INO80: variants seen among roughly 807,000 people sequenced by gnomAD.
The protein encoded by INO80 is INO80 complex ATPase subunit.
A neutral mutation model predicts 203.4 loss-of-function variants in INO80; 20 were observed. That is an observed-to-expected ratio of 0.10 (90% confidence interval 0.07 to 0.14). INO80 has a LOEUF of 0.14. Ranked by LOEUF, INO80 falls within the 10% of genes least tolerant of loss-of-function variation. The pLI is 1.00. For synonymous variants in INO80, 726 were observed against 685.2 expected, an observed-to-expected ratio of 1.06 and a Z score of -0.93; for missense variants, 1,419 against 1,914.4, an observed-to-expected ratio of 0.74 and a Z score of 4.83.
intron 1 of INO80, among the ~76,000 whole-genome samples, chr15:41,100,260 C>G (rs890040616): frequency 2.2e-4 from 34 of 151,950 alleles, no homozygotes; most frequent in Admixed American, 9.2e-4. Flanking sequence ...ATTTTTAGTA[C>G]AGACGGGGTT....
At chr15:41,035,672 A>T (rs2044559773) in intron 24 of INO80, among the ~76,000 whole-genome samples, 1 of 151,340 alleles carries the variant, frequency 6.6e-6, no homozygotes, top group Non-Finnish European at 1.5e-5. Flanking sequence ...AATATAAAAA[A>T]TTAGCTGGGT....
At chr15:41,060,972 GAT>G (rs1397285444) in intron 14 of INO80, among the ~76,000 whole-genome samples, 1 of 152,096 alleles carries the variant, frequency 6.6e-6, no homozygotes, top group African/African-American at 2.4e-5. Context: ...ATGAAAGAAA[GAT>G]AACGTACACA....
rs570551918 is a variant in INO80 at position 41,037,451 on chromosome 15, C to G, written c.2907+7453G>C. Among the ~76,000 whole-genome samples the G allele has an allele frequency of 2.0e-5, 3 of 152,050 alleles. No homozygotes were observed. The South Asian group carries it at 6.2e-4, about 32-fold the overall frequency. ...CCCAGGAGGCAGAGGTTGCAGTGAG[C>G]CAATATCGTGCCACTGCACTCGAGC... On this transcript the variant is annotated intron_variant, in intron 24 of 35. Transcript: ENST00000648947.
chr15:41,105,406 T>C (rs1480960755), intron 1 of INO80, among the ~76,000 whole-genome samples: 5 of 152,172 alleles, frequency 3.3e-5, no homozygotes, highest in South Asian at 4.1e-4. Context: ...AAATGTTTCA[T>C]ATGTGTTTGC....
chr15:41,076,153 G>C (rs564608114), intron 9 of INO80, among the ~76,000 whole-genome samples: 27 of 152,204 alleles, frequency 1.8e-4, no homozygotes, highest in Middle Eastern at 6.8e-3. Context: ...CTGAGGTCAG[G>C]AGTTCGAGAT....
chr15:41,115,289 G>A (rs1308910607), intron 1 of INO80, among the ~76,000 whole-genome samples: 1 of 152,154 alleles, frequency 6.6e-6, no homozygotes, highest in Admixed American at 6.6e-5. Context: ...TAAACTGTAG[G>A]GGGCTTCTAG....
intron 24 of INO80, among the ~76,000 whole-genome samples, chr15:41,032,186 CAT>C (rs1333539402): frequency 4.6e-5 from 7 of 152,156 alleles, no homozygotes; most frequent in Non-Finnish European, 1.0e-4. Context: ...CTTTGTACTA[CAT>C]GTTTTATTTA....
chr15:41,049,475 A>G (rs1418097858), intron 20 of INO80, 55 bp from the exon 21 acceptor site: 13 of 1,532,152 alleles, frequency 8.5e-6, no homozygotes, highest in Non-Finnish European at 9.0e-6. Flanking sequence ...ATCATACGTA[A>G]TGACAGGGGA....
intron 1 of INO80, 90 bp from the exon 2 acceptor site, chr15:41,096,443 G>C: frequency 2.2e-6 from 2 of 891,366 alleles, no homozygotes; most frequent in Non-Finnish European, 3.2e-6. Context: ...AGAGAAATCA[G>C]ACCTTCTAGA....
chr15:41,058,551 C>CTGTGTGTG (rs371784387), intron 16 of INO80, 88 bp downstream of exon 16: 1 of 872,416 alleles, frequency 1.1e-6, no homozygotes, highest in Non-Finnish European at 1.7e-6. Context: ...ATATACAAGT[C>CTGTGTGTG]TGTGTGTGTG....
Position 41,070,489 on chromosome 15 carries a change from G to T in INO80, c.1664C>A (p.Ala555Asp). ...MGLGKTVQSI[A>D]LLAHLAEREN... Reference sequence around the variant, plus strand: ...CACCTCAGCCAGATGGGCCAGAAGGGCAATGCTCTGTACTGTTTTACCAAG... The same window carrying T: ...CACCTCAGCCAGATGGGCCAGAAGGTCAATGCTCTGTACTGTTTTACCAAG... Residue 555 changes from alanine (A) to aspartate (D), a missense_variant, in exon 13 of 36, where the codon GCC (alanine) becomes GAC (aspartate). Around this residue, in one of 9 missense-constraint regions of INO80, gnomAD observed 192 missense variants for 406.7 expected, o/e 0.47. Transcript: ENST00000648947. 6.2e-7 allele frequency: 1 copy of T among 1,613,994 alleles called. No individual in the cohort carries two copies. The highest frequency in any genetic ancestry group is 8.5e-7 in the Non-Finnish European group (1 of 1,179,886).
chr15:41,084,626 T>C (rs1277982955), intron 7 of INO80, among the ~76,000 whole-genome samples: 1 of 152,182 alleles, frequency 6.6e-6, no homozygotes, highest in East Asian at 1.9e-4. Flanking sequence ...TGCTTATACA[T>C]GTTTAACTCG....
At chr15:41,049,156 A>G in intron 21 of INO80, 131 bp downstream of exon 21, 1 of 715,944 alleles carries the variant, frequency 1.4e-6, no homozygotes, top group Non-Finnish European at 2.2e-6. Flanking sequence ...CCCTCAACAA[A>G]TAGTTGTCCA....
intron 23 of INO80, among the ~76,000 whole-genome samples, chr15:41,046,937 A>ATT (rs112368024): frequency 4.3e-5 from 6 of 139,428 alleles, no homozygotes; most frequent in African/African-American, 7.8e-5. Flanking sequence ...AAACTGTACT[A>ATT]TTTTTTTTTT....
At chr15:40,990,617 T>C (rs541596372) in intron 29 of INO80, among the ~76,000 whole-genome samples, 24 of 152,362 alleles carry the variant, frequency 1.6e-4, no homozygotes, top group African/African-American at 5.3e-4. Flanking sequence ...TGAATGCTTA[T>C]TGTTAATCTA....
chr15:41,099,775 A>AT (rs1013351612), intron 1 of INO80, among the ~76,000 whole-genome samples: 1 of 143,668 alleles, frequency 7.0e-6, no homozygotes, highest in African/African-American at 3.0e-5. Context: ...GAGTGAGACT[A>AT]TCCAAAAAAA....
chr15:41,070,422 C>G, intron 13 of INO80, 45 bp downstream of exon 13: 3 of 1,525,854 alleles, frequency 2.0e-6, no homozygotes, highest in Non-Finnish European at 2.7e-6. Context: ...CAGAAATTAC[C>G]CTAAATTCTA....
At chr15:41,025,513 G>C (rs2044362411) in intron 25 of INO80, among the ~76,000 whole-genome samples, 1 of 151,918 alleles carries the variant, frequency 6.6e-6, no homozygotes, top group Non-Finnish European at 1.5e-5. Flanking sequence ...TTAGGAGTTC[G>C]AGCCCAGCCT....
intron 27 of INO80, among the ~76,000 whole-genome samples, chr15:41,007,108 G>A (rs550606343): frequency 3.3e-5 from 5 of 149,992 alleles, no homozygotes; most frequent in African/African-American, 1.2e-4. Flanking sequence ...ACAGTTTACA[G>A]AGACACCCAA....
Sources: allele counts gnomAD v4.1 joint callset (sites outside exome capture counted in the v4.1 genomes callset), GRCh38; gene constraint gnomAD v4.1.1; regional missense constraint gnomAD v4.1.1; transcripts MANE v1.5; gene names NCBI Gene and HGNC (gene_info 2026-07-23, HGNC 2026-07-21).